ATXN2: variants seen among roughly 807,000 people sequenced by gnomAD.
The protein encoded by ATXN2 is ataxin 2, also known as ataxin-2.
Under a neutral mutation model 138.6 loss-of-function variants are expected in ATXN2, and 37 were observed. That is an observed-to-expected ratio of 0.27 (90% CI 0.21 to 0.35). The LOEUF is 0.35. Among genes scored for constraint, ATXN2 ranks in the 10% least tolerant of loss-of-function variants. ATXN2 has a pLI of 1.00. For missense variants in ATXN2, 1,216 were observed against 1,480.3 expected, an observed-to-expected ratio of 0.82 and a Z score of 2.93; for synonymous variants, 549 against 543.7, an observed-to-expected ratio of 1.01 and a Z score of -0.13.
chr12:111,564,016 G>T (rs1324556001), intron 1 of ATXN2, among the ~76,000 whole-genome samples: 1 of 152,058 alleles, frequency 6.6e-6, no homozygotes, highest in African/African-American at 2.4e-5. Context: ...CTCTTCCAGG[G>T]GGTCATAGCC....
At chr12:111,576,598 C>T (rs1883663196) in intron 1 of ATXN2, among the ~76,000 whole-genome samples, 1 of 151,952 alleles carries the variant, frequency 6.6e-6, no homozygotes, top group African/African-American at 2.4e-5. Context: ...ATTCTCCTGC[C>T]TCAGCCTTCT....
intron 1 of ATXN2, among the ~76,000 whole-genome samples, chr12:111,558,684 C>G (rs1882513603): frequency 6.6e-6 from 1 of 152,084 alleles, no homozygotes. Context: ...GTGGTCCCCG[C>G]TACTTGGTAG....
intron 14 of ATXN2, among the ~76,000 whole-genome samples, chr12:111,493,831 G>A (rs755068618): frequency 1.5e-4 from 23 of 152,032 alleles, no homozygotes; most frequent in Admixed American, 1.3e-4. Context: ...GTTTCACCAC[G>A]TTGGTCAGGC....
chr12:111,584,983 C>G (rs550455289), intron 1 of ATXN2, among the ~76,000 whole-genome samples: 1 of 152,250 alleles, frequency 6.6e-6, no homozygotes, highest in East Asian at 1.9e-4. Context: ...TGCAATGCAT[C>G]CTAACACTTC....
chr12:111,463,210 A>G (rs1875726184), intron 21 of ATXN2, among the ~76,000 whole-genome samples: 1 of 152,218 alleles, frequency 6.6e-6, no homozygotes, highest in South Asian at 2.1e-4. Context: ...ACAAGGTGAC[A>G]ATATTAATGG....
intron 1 of ATXN2, among the ~76,000 whole-genome samples, chr12:111,587,478 G>A (rs1452468111): frequency 6.6e-6 from 1 of 152,066 alleles, no homozygotes; most frequent in African/African-American, 2.4e-5. Context: ...TGGGCAACAT[G>A]GCTAAACCCT....
In ATXN2 at chr12:111,518,341, T is replaced by C; in HGVS notation, c.1073A>G (p.Gln358Arg). 6.2e-7 allele frequency: 1 copy of C among 1,613,728 alleles called. No homozygotes were observed. The highest frequency in any genetic ancestry group is 2.2e-5 in the East Asian group (1 of 44,884). ...TGATGGCATGGAGCCCGATCCAGGC[T>C]GGCCCATACGCGGTGAATTCTGTCT... is the stretch of plus-strand genomic sequence containing the variant. ...SGRQNSPRMG[Q>R]PGSGSMPSRS... The change falls in exon 9 of 25, where the codon CAG becomes CGG. Residue 358 changes from glutamine (Q) to arginine (R), a missense_variant. By Grantham distance (43) the Gln-to-Arg change is conservative. Transcript: ENST00000673436.
intron 14 of ATXN2, among the ~76,000 whole-genome samples, chr12:111,493,203 T>C (rs926790766): frequency 9.2e-5 from 14 of 152,050 alleles, no homozygotes; most frequent in Non-Finnish European, 2.1e-4. Flanking sequence ...CGGATCACCC[T>C]GAGGTCAGGA....
intron 5 of ATXN2, among the ~76,000 whole-genome samples, chr12:111,539,783 A>G (rs551676659): frequency 6.6e-6 from 1 of 150,400 alleles, no homozygotes; most frequent in Non-Finnish European, 1.5e-5. Context: ...AAGAAAAAAG[A>G]AGAAAATGAT....
chr12:111,503,295 A>G (rs1878897253), intron 14 of ATXN2, among the ~76,000 whole-genome samples: 1 of 152,248 alleles, frequency 6.6e-6, no homozygotes, highest in Non-Finnish European at 1.5e-5. Context: ...AAGCACTGCT[A>G]GAAGCTTAAA....
At chr12:111,524,385 CTCA>C in intron 6 of ATXN2, among the ~76,000 whole-genome samples, 1 of 152,304 alleles carries the variant, frequency 6.6e-6, no homozygotes, top group South Asian at 2.1e-4. Flanking sequence ...TACCATAACA[CTCA>C]TTTTTGGCAA....
At position 111,516,612 on chromosome 12, in the gene ATXN2, T is replaced by C. The variant is rs550053938; in HGVS notation, c.1166-249A>G. Among the ~76,000 whole-genome samples the C allele has an allele frequency of 2.0e-5, 3 of 152,310 alleles. No individual in the cohort carries two copies. The highest frequency in any genetic ancestry group is 6.5e-5 in the Admixed American group (1 of 15,304). On this transcript the variant is annotated intron_variant, in intron 9 of 24. Coordinates refer to ENST00000673436, the MANE Select transcript of ATXN2 (RefSeq NM_001372574.1). The surrounding 1 kb of genome is among the most constrained non-coding windows in gnomAD (Gnocchi z 5.0). Reference sequence around the variant, plus strand: ...TTCCCAAAGGGTTAATTAGGATCTATACACACTATTGAAGAAGACAGTTAA... The same window carrying C: ...TTCCCAAAGGGTTAATTAGGATCTACACACACTATTGAAGAAGACAGTTAA...
At chr12:111,515,419 T>C (rs1879798144) in intron 10 of ATXN2, among the ~76,000 whole-genome samples, 2 of 152,222 alleles carry the variant, frequency 1.3e-5, no homozygotes, top group South Asian at 4.1e-4. Flanking sequence ...TATCCCTGTA[T>C]TTGATATGTG....
In ATXN2 at chr12:111,453,061, A is replaced by G; in HGVS notation, c.3440-221T>C. The G allele has an allele frequency of 7.7e-7, 1 of 1,294,154 alleles. No individual in the cohort carries two copies. 80.2% of individuals were successfully genotyped at this position (1,294,154 alleles called of 1,614,324 possible). On this transcript the variant is annotated intron_variant, in intron 24 of 24. Coordinates refer to ENST00000673436, the MANE Select transcript of ATXN2 (RefSeq NM_001372574.1). This position sits in a 1 kb window ranked among gnomAD's most constrained non-coding sequence, Gnocchi z 5.4. ...TAAAACCACTTCAGATAAAACTCCC[A>G]GAAGACTTGTTCATGGGGTAGAAAA...
At chr12:111,586,661 C>G (rs1592932391) in intron 1 of ATXN2, among the ~76,000 whole-genome samples, 1 of 151,972 alleles carries the variant, frequency 6.6e-6, no homozygotes, top group South Asian at 2.1e-4. Context: ...GCTGGGATTA[C>G]AGGGGTGAGC....
intron 1 of ATXN2, among the ~76,000 whole-genome samples, chr12:111,580,973 T>C (rs1486344072): frequency 1.3e-5 from 2 of 151,528 alleles, no homozygotes; most frequent in Non-Finnish European, 2.9e-5. Context: ...ACCCCATCTC[T>C]ACTAAAATAC....
intron 5 of ATXN2, among the ~76,000 whole-genome samples, chr12:111,549,802 G>T (rs955619486): frequency 2.6e-5 from 4 of 152,092 alleles, no homozygotes; most frequent in Non-Finnish European, 5.9e-5. Flanking sequence ...GGTGGCTCAC[G>T]CCTATAATCC....
chr12:111,522,876 T>C (rs1419425758), intron 6 of ATXN2, among the ~76,000 whole-genome samples: 1 of 151,368 alleles, frequency 6.6e-6, no homozygotes, highest in Non-Finnish European at 1.5e-5. Context: ...ATCACGCCAT[T>C]GCACTCCAGC....
chr12:111,507,353 GC>G (rs1879208110), intron 14 of ATXN2, among the ~76,000 whole-genome samples: 1 of 139,550 alleles, frequency 7.2e-6, no homozygotes, highest in Non-Finnish European at 1.5e-5. Context: ...CTGCCTGGCC[GC>G]CCCGTCTGAG....
Sources: allele counts gnomAD v4.1 joint callset (sites outside exome capture counted in the v4.1 genomes callset), GRCh38; gene constraint gnomAD v4.1.1; non-coding constraint Gnocchi (gnomAD v3.1); transcripts MANE v1.5; gene names NCBI Gene and HGNC (gene_info 2026-07-23, HGNC 2026-07-21).